The following SLCO2B1 variants were observed in gnomAD, a reference collection of about 807,000 sequenced individuals.
SLCO2B1 encodes solute carrier organic anion transporter family member 2B1.
Under a neutral mutation model 67.3 loss-of-function variants are expected in SLCO2B1, and 41 were observed. The observed-to-expected ratio is 0.61, with a 90% CI of 0.47 to 0.79. The LOEUF (loss-of-function observed/expected upper bound fraction) is 0.79. Ranked by LOEUF, SLCO2B1 falls within the 30% of genes least tolerant of loss-of-function variation. The pLI is 0.00. For missense variants in SLCO2B1, 837 were observed against 920.1 expected, an observed-to-expected ratio of 0.91 and a Z score of 1.17; for synonymous variants, 379 against 381.4, an observed-to-expected ratio of 0.99 and a Z score of 0.07.
intron 8 of SLCO2B1, among the ~76,000 whole-genome samples, chr11:75,191,002 C>T (rs1045587140): frequency 6.6e-6 from 1 of 152,158 alleles, no homozygotes; most frequent in East Asian, 1.9e-4. Context: ...CCATCTATTC[C>T]GGTGCCATGC....
chr11:75,204,997 C>G lies in SLCO2B1; in HGVS notation c.*417C>G, dbSNP rs535012755. The G allele has an allele frequency of 6.5e-6, 1 of 155,000 alleles. No individual in the cohort carries two copies. The highest frequency in any genetic ancestry group is 1.4e-5 in the Non-Finnish European group (1 of 70,030). The allele number at this position is 155,000 out of a possible 1,614,324, so 9.6% of individuals were successfully genotyped here. A position where few individuals can be genotyped will look rare whatever the true frequency, so the allele number is the denominator to read the frequency against. ...CACCTTCTTTGAGCCTTAGCCATCT[C>G]CTGTCAGGTAGGAATGAACTTGCCA... On this transcript the variant is annotated 3_prime_UTR_variant, in exon 14 of 14. Transcript: ENST00000289575.
Position 75,169,519 on chromosome 11 carries a change from G to T in SLCO2B1, c.682+113G>T. The T allele has an allele frequency of 3.3e-6, 4 of 1,208,110 alleles. No homozygotes were observed. In the East Asian group the frequency reaches 9.6e-5, roughly 29 times the overall value. 74.8% of individuals were successfully genotyped at this position (1,208,110 alleles called of 1,614,324 possible). A position where few individuals can be genotyped will look rare whatever the true frequency, so the allele number is the denominator to read the frequency against. On this transcript the variant is annotated intron_variant, in intron 5 of 13. Transcript: ENST00000289575. ...GAATCCCTGCCCCCTGCCCCATCTGGCCAGTAAAGGTCCAGGGAAGCCCTG... is the reference window on the plus strand; with the variant it reads ...GAATCCCTGCCCCCTGCCCCATCTGTCCAGTAAAGGTCCAGGGAAGCCCTG...
chr11:75,169,122 C>T (rs761554431), intron 4 of SLCO2B1, 51 bp from the exon 5 acceptor site: 2 of 1,449,192 alleles, frequency 1.4e-6, no homozygotes, highest in Non-Finnish European at 1.9e-6. Flanking sequence ...GGGGTAAGCG[C>T]TATTTAAGTC....
At chr11:75,154,540 TAGG>T (rs762134303) in intron 1 of SLCO2B1, among the ~76,000 whole-genome samples, 2 of 152,094 alleles carry the variant, frequency 1.3e-5, no homozygotes, top group Admixed American at 6.5e-5. Context: ...AAATAAAAGC[TAGG>T]AGGAGTTCTG....
intron 7 of SLCO2B1, among the ~76,000 whole-genome samples, chr11:75,181,214 C>T (rs772545096): frequency 6.6e-5 from 10 of 151,542 alleles, no homozygotes; most frequent in Non-Finnish European, 1.3e-4. Flanking sequence ...ACTAAAAATA[C>T]GAAAAATTAG....
intron 1 of SLCO2B1, among the ~76,000 whole-genome samples, chr11:75,157,289 A>G (rs1024057131): frequency 6.6e-6 from 1 of 152,244 alleles, no homozygotes; most frequent in Non-Finnish European, 1.5e-5. Flanking sequence ...ATTGCTAATG[A>G]AGACAGTGAA....
chr11:75,189,369 T>A (rs950429012), intron 8 of SLCO2B1, among the ~76,000 whole-genome samples: 8 of 152,170 alleles, frequency 5.3e-5, no homozygotes. Context: ...GAAGATTGGG[T>A]CAATAATCCT....
intron 2 of SLCO2B1, chr11:75,163,017 G>T: frequency 2.3e-6 from 1 of 436,634 alleles, no homozygotes. Context: ...GGTGTTCTTG[G>T]AGTAGTACAG....
chr11:75,202,976 T>C lies in SLCO2B1; in HGVS notation c.1828+11T>C, dbSNP rs781665921. The C allele has an allele frequency of 2.5e-6, 4 of 1,612,790 alleles. No individual in the cohort carries two copies. In the East Asian group the frequency reaches 8.9e-5, roughly 36 times the overall value. On this transcript the variant is annotated intron_variant, in intron 12 of 13. Coordinates refer to ENST00000289575, the MANE Select transcript of SLCO2B1 (RefSeq NM_007256.5). Reference sequence around the variant, plus strand: ...TCCTGAGGATTTTGGGTAAAGATCTTGCTTGGGACCATTGGTGGTGGTGAT... The same window carrying C: ...TCCTGAGGATTTTGGGTAAAGATCTCGCTTGGGACCATTGGTGGTGGTGAT...
chr11:75,159,902 C>A, intron 1 of SLCO2B1: 3 of 982,196 alleles, frequency 3.1e-6, no homozygotes, highest in Non-Finnish European at 3.6e-6. Context: ...TCACCTGAGG[C>A]AGGTGAGCAG....
chr11:75,166,079 TC>T (rs926998377), intron 4 of SLCO2B1, 130 bp downstream of exon 4: 140 of 1,130,366 alleles, frequency 1.2e-4, no homozygotes, highest in African/African-American at 1.6e-4. Context: ...CAGCTGCTAG[TC>T]CCCCCCCAAC....
chr11:75,197,965 T>C (rs1945125510), intron 10 of SLCO2B1, among the ~76,000 whole-genome samples: 1 of 151,984 alleles, frequency 6.6e-6, no homozygotes, highest in Non-Finnish European at 1.5e-5. Context: ...CTTGGGGGAT[T>C]TGTGGGGGCA....
intron 7 of SLCO2B1, among the ~76,000 whole-genome samples, chr11:75,174,716 T>A (rs1950003403): frequency 6.6e-6 from 1 of 152,182 alleles, no homozygotes; most frequent in Non-Finnish European, 1.5e-5. Flanking sequence ...GGTGGAGTGA[T>A]GTTTATAAAG....
intron 7 of SLCO2B1, among the ~76,000 whole-genome samples, chr11:75,181,372 C>CA (rs11369857): frequency 0.88 from 113,648 of 128,646 alleles, 50,775 homozygotes; most frequent in Non-Finnish European, 0.95. Flanking sequence ...GACTCTGCCT[C>CA]AAAAAAAAAA....
chr11:75,202,470 G>A (rs1417430172), intron 11 of SLCO2B1: 5 of 200,640 alleles, frequency 2.5e-5, no homozygotes, highest in South Asian at 1.1e-4. Flanking sequence ...TACTGAGCCC[G>A]TAGTAAGCGC....
Position 75,162,699 on chromosome 11 carries a change from G to A in SLCO2B1, c.61G>A (p.Ala21Thr), listed in dbSNP as rs750481996. The A allele has an allele frequency of 6.2e-7, 1 of 1,613,760 alleles. No homozygotes were observed. Among genetic ancestry groups the A allele is most frequent in the Non-Finnish European group, 8.5e-7 (1 of 1,179,944 alleles). The part of the protein sequence containing the change: ...VPQVPDKETK[A>T]TMGTENTPGG... ...CCAGGTACCAGACAAGGAAACCAAA[G>A]CCACAATGGGCACAGAAAACACACC... Residue 21 changes from alanine to threonine, a missense_variant, in exon 2 of 14, where the codon GCC becomes ACC. Physicochemically the swap from Ala to Thr is moderately conservative, Grantham distance 58. Transcript: ENST00000289575.
chr11:75,189,927 G>A (rs142999903), intron 8 of SLCO2B1, among the ~76,000 whole-genome samples: 5 of 149,812 alleles, frequency 3.3e-5, no homozygotes, highest in East Asian at 2.0e-4. Flanking sequence ...TGGCCGCTGC[G>A]CTCCAGCCTG....
Position 75,187,153 on chromosome 11 carries a change from G to A in SLCO2B1, c.973-983G>A, listed in dbSNP as rs368080798. Among the ~76,000 whole-genome samples, 10 of 152,206 alleles carry A rather than the reference G, an allele frequency of 6.6e-5. No individual in the cohort carries two copies. The East Asian group carries it at 7.7e-4, about 12-fold the overall frequency. ...ATACTTCAGGAGGTTGTGAGGTTTCGGTAAGTTATGCATTAGTCATTAGAA... is the reference window on the plus strand; with the variant it reads ...ATACTTCAGGAGGTTGTGAGGTTTCAGTAAGTTATGCATTAGTCATTAGAA... On this transcript the variant is annotated intron_variant, in intron 7 of 13. Coordinates refer to ENST00000289575, the MANE Select transcript of SLCO2B1 (RefSeq NM_007256.5).
Position 75,162,650 on chromosome 11 carries a change from C to T in SLCO2B1, c.17-5C>T. 1 of 1,612,546 alleles carries T rather than the reference C, an allele frequency of 6.2e-7. No individual in the cohort carries two copies. The highest frequency in any genetic ancestry group is 8.5e-7 in the Non-Finnish European group (1 of 1,179,348). ...ATTCTCTTTCCCTGGTTTTCTGTCC[C>T]TCAGGGCCAGCGGGTGAGGTACCCC... On this transcript the variant is annotated splice_region_variant and splice_polypyrimidine_tract_variant and intron_variant, in intron 1 of 13. Transcript: ENST00000289575.
Sources: allele counts gnomAD v4.1 joint callset (sites outside exome capture counted in the v4.1 genomes callset), GRCh38; gene constraint gnomAD v4.1.1; transcripts MANE v1.5; gene names NCBI Gene and HGNC (gene_info 2026-07-23, HGNC 2026-07-21).